RPS6KA2: variants seen among roughly 807,000 people sequenced by gnomAD.
RPS6KA2 encodes ribosomal protein S6 kinase alpha-2.
In RPS6KA2, 42 loss-of-function variants were observed where a neutral mutation model predicts 91.8. The observed-to-expected ratio is 0.46, with a 90% CI of 0.36 to 0.59. The LOEUF is 0.59. Among genes scored for constraint, RPS6KA2 ranks in the 20% least tolerant of loss-of-function variants. The probability of loss-of-function intolerance (pLI) is 0.00; values close to 1 mark genes in which losing one functional copy is unlikely to be tolerated. For synonymous variants in RPS6KA2, 414 were observed against 393.6 expected, an observed-to-expected ratio of 1.05 and a Z score of -0.61; for missense variants, 798 against 978.5, an observed-to-expected ratio of 0.82 and a Z score of 2.46.
At chr6:166,632,867 G>A (rs1287048386) in intron 2 of RPS6KA2, among the ~76,000 whole-genome samples, 1 of 152,104 alleles carries the variant, frequency 6.6e-6, no homozygotes, top group Non-Finnish European at 1.5e-5. Context: ...AGAGGCAGAG[G>A]CACACTGAGC....
At chr6:166,778,535 A>G (rs1008749407) in intron 2 of RPS6KA2, among the ~76,000 whole-genome samples, 2 of 152,132 alleles carry the variant, frequency 1.3e-5, no homozygotes, top group African/African-American at 2.4e-5. Context: ...GGAGGCCGAG[A>G]TGGGTGGATC....
intron 1 of RPS6KA2, among the ~76,000 whole-genome samples, chr6:166,625,952 G>A (rs1386932872): frequency 1.3e-5 from 2 of 152,120 alleles, no homozygotes; most frequent in African/African-American, 2.4e-5. Context: ...TAATATCATG[G>A]CAGCTGGGAC....
At chr6:166,777,113 G>A (rs1778641948) in intron 2 of RPS6KA2, among the ~76,000 whole-genome samples, 1 of 152,214 alleles carries the variant, frequency 6.6e-6, no homozygotes, top group Non-Finnish European at 1.5e-5. Flanking sequence ...GAGGTGAAGA[G>A]CTGGACCTGA....
chr6:166,747,724 C>T (rs762663261), intron 2 of RPS6KA2, among the ~76,000 whole-genome samples: 6 of 152,186 alleles, frequency 3.9e-5, no homozygotes, highest in Admixed American at 1.3e-4. Context: ...TTCAGAGCAG[C>T]GCTGGTGTGT....
chr6:166,510,309 A>G lies in RPS6KA2; in HGVS notation c.347T>C (p.Val116Ala). 6.2e-7 allele frequency: 1 copy of G among 1,603,224 alleles called. No individual in the cohort carries two copies. Among genetic ancestry groups the G allele is most frequent in the Non-Finnish European group, 8.5e-7 (1 of 1,173,382 alleles). The change falls in exon 4 of 21, where the codon GTG becomes GCG. Residue 116 changes from valine (V) to alanine (A), a missense_variant. Val to Ala is a moderately conservative substitution (Grantham distance 64, BLOSUM62 0). Transcript: ENST00000265678. ...AAGCTTCACAATGAAGGGGTGATTCACTTCTGCCAAGATGTCTCTCTCCAT... is the reference window on the plus strand; with the variant it reads ...AAGCTTCACAATGAAGGGGTGATTCGCTTCTGCCAAGATGTCTCTCTCCAT... Reference protein sequence around the residue: ...SKMERDILAEVNHPFIVKLHY... With the variant: ...SKMERDILAEANHPFIVKLHY...
intron 14 of RPS6KA2, among the ~76,000 whole-genome samples, chr6:166,442,458 G>A (rs138326890): frequency 6.6e-6 from 1 of 152,270 alleles, no homozygotes. Flanking sequence ...TCCCTCATGG[G>A]GATAATGAAA....
At chr6:166,484,399 C>T (rs575838826) in intron 10 of RPS6KA2, among the ~76,000 whole-genome samples, 1 of 152,212 alleles carries the variant, frequency 6.6e-6, no homozygotes, top group Non-Finnish European at 1.5e-5. Flanking sequence ...TTTCCTTCCT[C>T]CAACCACAGA....
chr6:166,818,015 G>A (rs529697259), intron 2 of RPS6KA2, among the ~76,000 whole-genome samples: 4 of 152,082 alleles, frequency 2.6e-5, no homozygotes, highest in Non-Finnish European at 4.4e-5. Context: ...GAGCCACTGC[G>A]CCCGGCCCGG....
intron 2 of RPS6KA2, among the ~76,000 whole-genome samples, chr6:166,677,831 T>C (rs1030248536): frequency 1.3e-5 from 2 of 152,244 alleles, no homozygotes; most frequent in Non-Finnish European, 2.9e-5. Context: ...CCTGGTCTGG[T>C]AATTTTGGAA....
chr6:166,483,593 T>C (rs1781310037), intron 10 of RPS6KA2, among the ~76,000 whole-genome samples: 1 of 152,242 alleles, frequency 6.6e-6, no homozygotes, highest in Non-Finnish European at 1.5e-5. Context: ...GGGCCTTTTT[T>C]TCCTCTTTTT....
Position 166,432,474 on chromosome 6 carries a change from T to C in RPS6KA2, c.1349A>G (p.Lys450Arg), listed in dbSNP as rs768924917. ...CTCAATCTCTTCCGAGGGGTCTCTC[T>C]TGCTCTTATCAATGATCTGGAACAA... The part of the protein sequence containing the change: ...EYAVKIIDKS[K>R]RDPSEEIEIL... Residue 450 changes from lysine to arginine, a missense_variant, in exon 15 of 21, where the codon AAG becomes AGG. Lys to Arg is a conservative substitution (Grantham distance 26). Transcript: ENST00000265678. 4 of 1,612,518 alleles carry C rather than the reference T, an allele frequency of 2.5e-6. No homozygotes were observed. The highest frequency in any genetic ancestry group is 3.4e-6 in the Non-Finnish European group (4 of 1,178,620).
intron 2 of RPS6KA2, among the ~76,000 whole-genome samples, chr6:166,788,122 A>G (rs1778981008): frequency 6.6e-6 from 1 of 152,252 alleles, no homozygotes; most frequent in African/African-American, 2.4e-5. Context: ...TAGGCAAATC[A>G]AAACCACAAT....
chr6:166,812,432 C>G (rs1431392099), intron 2 of RPS6KA2, among the ~76,000 whole-genome samples: 1 of 152,194 alleles, frequency 6.6e-6, no homozygotes. Flanking sequence ...CCACAGCCCC[C>G]TTGCCTCTCT....
intron 9 of RPS6KA2, among the ~76,000 whole-genome samples, chr6:166,489,518 C>G (rs138713547): frequency 3.3e-5 from 5 of 152,336 alleles, no homozygotes; most frequent in African/African-American, 1.2e-4. Flanking sequence ...TCCAGAAATT[C>G]TCCATCCCTC....
intron 2 of RPS6KA2, among the ~76,000 whole-genome samples, chr6:166,855,423 A>AGAG (rs1297200332): frequency 3.5e-5 from 4 of 113,406 alleles, no homozygotes; most frequent in Non-Finnish European, 5.2e-5. Flanking sequence ...AGGAGGAAGA[A>AGAG]GAAGAGGAAG....
At chr6:166,773,165 G>A (rs955397767) in intron 2 of RPS6KA2, among the ~76,000 whole-genome samples, 2 of 152,148 alleles carry the variant, frequency 1.3e-5, no homozygotes, top group Non-Finnish European at 2.9e-5. Flanking sequence ...TCCAGGACAC[G>A]AGAGGAGAGG....
chr6:166,747,008 C>T (rs1444766966), intron 2 of RPS6KA2, among the ~76,000 whole-genome samples: 1 of 152,220 alleles, frequency 6.6e-6, no homozygotes, highest in Non-Finnish European at 1.5e-5. Context: ...GGCAGCACGA[C>T]CCTGCGGAAT....
Position 166,825,125 on chromosome 6 carries a change from G to A in RPS6KA2, c.123+33075C>T, listed in dbSNP as rs1194883146. On this transcript the variant is annotated intron_variant, in intron 2 of 21. Coordinates refer to the RPS6KA2 transcript ENST00000503859. This position sits in a 1 kb window ranked among gnomAD's most constrained non-coding sequence, Gnocchi z 4.1. The stretch of plus-strand genomic sequence containing the variant: ...CTCTAAAAACCCTTTTACAAATGTC[G>A]CTTTCATGATCAGGAATCCATTTCA... Among the ~76,000 whole-genome samples, 2 of 152,220 alleles carry A rather than the reference G, an allele frequency of 1.3e-5. No individual in the cohort carries two copies. The highest frequency in any genetic ancestry group is 1.9e-4 in the East Asian group (1 of 5,190).
intron 16 of RPS6KA2, among the ~76,000 whole-genome samples, chr6:166,429,285 G>T (rs1377582610): frequency 8.4e-6 from 1 of 119,284 alleles, no homozygotes; most frequent in African/African-American, 3.3e-5. Context: ...GGGGACTGTT[G>T]TGGGGTGGGG....
Sources: gnomAD v4.1 joint callset for allele counts (sites outside exome capture counted in the v4.1 genomes callset) on GRCh38, gnomAD v4.1.1 for gene constraint, Gnocchi (gnomAD v3.1) non-coding constraint, MANE v1.5 for transcripts, NCBI Gene and HGNC (gene_info 2026-07-23, HGNC 2026-07-21) for gene names.